Variants in CDC42BPB observed in about 807,000 individuals in gnomAD.
CDC42BPB encodes CDC42 binding protein kinase beta, also known as serine/threonine-protein kinase MRCK beta.
A neutral mutation model predicts 214.9 loss-of-function variants in CDC42BPB; 37 were observed. The observed-to-expected ratio is 0.17, with a 90% CI of 0.13 to 0.23. The LOEUF is 0.23. Ranked by LOEUF, CDC42BPB falls within the 10% of genes least tolerant of loss-of-function variation. CDC42BPB has a pLI of 1.00. For missense variants in CDC42BPB, 1,694 were observed against 2,227.0 expected (o/e 0.76, Z 4.82); for synonymous variants, 931 against 884.0 (o/e 1.05, Z -0.94).
chr14:103,056,854 G>A, intron 1 of CDC42BPB, 145 bp downstream of exon 1: 2 of 521,712 alleles, frequency 3.8e-6, no homozygotes, highest in Non-Finnish European at 3.2e-6. Flanking sequence ...GGCGCTGCCA[G>A]AGCGAGAGGA....
At chr14:103,027,447 A>T (rs1257002329) in intron 1 of CDC42BPB, among the ~76,000 whole-genome samples, 1 of 152,270 alleles carries the variant, frequency 6.6e-6, no homozygotes, top group Non-Finnish European at 1.5e-5. Flanking sequence ...CATCATTCGT[A>T]ATAGTCAAAA....
Position 102,933,619 on chromosome 14 carries a change from T to G in CDC42BPB, c.*93A>C. ...TCCATATCTACAAAGTGATTCTACA[T>G]TTCCTTGGACAACACTGGAGGGCCC... On this transcript the variant is annotated 3_prime_UTR_variant, in exon 37 of 37. Transcript: ENST00000361246. 1.0e-6 allele frequency: 1 copy of G among 1,002,428 alleles called. No homozygotes were observed. Among genetic ancestry groups the G allele is most frequent in the Non-Finnish European group, 1.3e-6 (1 of 741,082 alleles). 62.1% of individuals were successfully genotyped at this position (1,002,428 alleles called of 1,614,324 possible). A position where few individuals can be genotyped will look rare whatever the true frequency, so the allele number is the denominator to read the frequency against.
At chr14:103,025,534 G>A (rs1887003584) in intron 1 of CDC42BPB, among the ~76,000 whole-genome samples, 1 of 151,212 alleles carries the variant, frequency 6.6e-6, no homozygotes, top group African/African-American at 2.4e-5. Context: ...AAAAAAAGGA[G>A]GAGCCAGGTG....
At chr14:102,974,197 T>C (rs1418830002) in intron 11 of CDC42BPB, 48 bp from the exon 12 acceptor site, 8 of 1,593,610 alleles carry the variant, frequency 5.0e-6, no homozygotes, top group South Asian at 1.1e-5. Context: ...GCAATGACTA[T>C]ATGTAAACTT....
rs2139780653 is a variant in CDC42BPB, at chr14:103,050,208, C to G, written c.175+6791G>C. ...TATTTAAAACTTCAAGTGGGAAAGG[C>G]ATTCATTTAGGCCTGAGGACCTGAG... On this transcript the variant is annotated intron_variant, in intron 1 of 36. Coordinates refer to ENST00000361246, the MANE Select transcript of CDC42BPB (RefSeq NM_006035.4). Among the ~76,000 whole-genome samples, 2 of 152,308 alleles carry G rather than the reference C, an allele frequency of 1.3e-5. 1 individual carries two copies. Among genetic ancestry groups the G allele is most frequent in the South Asian group, 4.1e-4 (2 of 4,834 alleles).
chr14:102,967,371 G>C, intron 16 of CDC42BPB: 1 of 985,310 alleles, frequency 1.0e-6, no homozygotes, highest in African/African-American at 1.7e-5. Context: ...AACCTAAACT[G>C]ATGGAGCTGG....
At chr14:103,022,726 G>A (rs1316612214) in intron 1 of CDC42BPB, among the ~76,000 whole-genome samples, 1 of 152,156 alleles carries the variant, frequency 6.6e-6, no homozygotes, top group Non-Finnish European at 1.5e-5. Context: ...TGGCTTAAGT[G>A]TTAACAATAA....
At chr14:102,967,915 G>A (rs1396212722) in intron 16 of CDC42BPB, among the ~76,000 whole-genome samples, 2 of 151,938 alleles carry the variant, frequency 1.3e-5, no homozygotes, top group Non-Finnish European at 2.9e-5. Flanking sequence ...CTAACACGGT[G>A]AAAACCCGTC....
intron 5 of CDC42BPB, among the ~76,000 whole-genome samples, chr14:102,997,429 G>A (rs538643703): frequency 3.3e-5 from 5 of 152,048 alleles, no homozygotes; most frequent in Non-Finnish European, 7.4e-5. Flanking sequence ...AAAAAGCCAA[G>A]AAAAAGAAAA....
intron 1 of CDC42BPB, among the ~76,000 whole-genome samples, chr14:103,013,162 G>A (rs1243461634): frequency 1.3e-5 from 2 of 152,172 alleles, no homozygotes; most frequent in East Asian, 1.9e-4. Flanking sequence ...CAAAGCCCAC[G>A]TACAGGACAC....
intron 5 of CDC42BPB, among the ~76,000 whole-genome samples, chr14:102,993,945 G>A (rs1332954643): frequency 6.7e-6 from 1 of 150,034 alleles, no homozygotes; most frequent in Non-Finnish European, 1.5e-5. Flanking sequence ...GTTTGGGAAT[G>A]GAAGGCAGGG....
At position 102,944,645 on chromosome 14, in the gene CDC42BPB, G is replaced by C. The variant is rs913997940; in HGVS notation, c.3812-158C>G. On this transcript the variant is annotated intron_variant, in intron 29 of 36. Coordinates refer to ENST00000361246, the MANE Select transcript of CDC42BPB (RefSeq NM_006035.4). This position sits in a 1 kb window ranked among gnomAD's most constrained non-coding sequence, Gnocchi z 6.6. ...TGAGCCCGGCCCTGAGCCCGTCTCT[G>C]CCCACAGAGCCAGTGGCTTGAACGC... 14 of 985,184 alleles carry C rather than the reference G, an allele frequency of 1.4e-5. No homozygotes were observed. In the African/African-American group the frequency reaches 2.3e-4, roughly 16 times the overall value. The allele number at this position is 985,184 out of a possible 1,614,324, so 61.0% of individuals were successfully genotyped here. A position where few individuals can be genotyped will look rare whatever the true frequency, so the allele number is the denominator to read the frequency against.
intron 30 of CDC42BPB, chr14:102,941,148 C>T (rs1350758692): frequency 2.0e-6 from 2 of 985,350 alleles, no homozygotes; most frequent in African/African-American, 1.7e-5. Flanking sequence ...GTGGCACGCT[C>T]ACTGCCCCCA....
chr14:102,935,572 T>C (rs1257634571), intron 36 of CDC42BPB, among the ~76,000 whole-genome samples: 6 of 152,008 alleles, frequency 3.9e-5, no homozygotes, highest in African/African-American at 1.2e-4. Flanking sequence ...GGCAGATCAC[T>C]TGAGGTCAGG....
intron 2 of CDC42BPB, among the ~76,000 whole-genome samples, chr14:103,010,978 G>T (rs112245032): frequency 6.6e-6 from 1 of 152,114 alleles, no homozygotes; most frequent in Non-Finnish European, 1.5e-5. Context: ...TGCAGTGAGC[G>T]GAGATCGCAC....
chr14:102,958,134 G>A (rs1301710305), intron 21 of CDC42BPB, among the ~76,000 whole-genome samples: 1 of 152,222 alleles, frequency 6.6e-6, no homozygotes, highest in African/African-American at 2.4e-5. Flanking sequence ...AGGAGGAAAA[G>A]CCAGCAGGAA....
rs371426927 is a variant in CDC42BPB, at chr14:103,003,985, G to A, written c.390C>T (p.Asn130=). Residue 130 remains asparagine (N), a synonymous_variant, in exon 4 of 37, where the codon AAC becomes AAT. Transcript: ENST00000361246. ...CFREERDVLV[N]GDCQWITALH... The stretch of plus-strand genomic sequence containing the variant: ...GCGCGGTGATCCACTGGCAGTCGCC[G>A]TTCACCAGCACATCGCGCTCCTCTC... The A allele has an allele frequency of 1.1e-5, 18 of 1,609,786 alleles. No homozygotes were observed. The highest frequency in any genetic ancestry group is 2.2e-5 in the East Asian group (1 of 44,858).
At chr14:102,988,860 AC>A (rs1268001734) in intron 5 of CDC42BPB, among the ~76,000 whole-genome samples, 2 of 76,582 alleles carry the variant, frequency 2.6e-5, no homozygotes, top group South Asian at 8.3e-4. Flanking sequence ...AAACAAAACA[AC>A]CCCCCCTTCC....
intron 1 of CDC42BPB, among the ~76,000 whole-genome samples, chr14:103,042,597 A>C (rs1206906015): frequency 1.3e-5 from 2 of 152,238 alleles, no homozygotes; most frequent in Admixed American, 1.3e-4. Context: ...GGCGTGAGCC[A>C]CTATGCCCGG....
Sources: allele counts gnomAD v4.1 joint callset (sites outside exome capture counted in the v4.1 genomes callset), GRCh38; gene constraint gnomAD v4.1.1; non-coding constraint Gnocchi (gnomAD v3.1); transcripts MANE v1.5; gene names NCBI Gene and HGNC (gene_info 2026-07-23, HGNC 2026-07-21).